Variants in ZNF229 observed in about 807,000 individuals in gnomAD.
ZNF229 encodes the protein zinc finger protein 229.
In ZNF229, 10 loss-of-function variants were observed where a neutral mutation model predicts 11.8. The observed-to-expected ratio is 0.85, with a 90% CI of 0.52 to 1.44. The LOEUF (loss-of-function observed/expected upper bound fraction) is 1.44. ZNF229 is among the 40% of genes most tolerant of loss of function. The pLI, the probability that ZNF229 is intolerant of heterozygous loss-of-function variation, is 0.00. For synonymous variants in ZNF229, 368 were observed against 374.8 expected (o/e 0.98, Z 0.21); for missense variants, 1,045 against 1,015.1 (o/e 1.03, Z -0.40).
intron 4 of ZNF229, among the ~76,000 whole-genome samples, chr19:44,438,087 A>T (rs1341814292): frequency 6.6e-6 from 1 of 152,206 alleles, no homozygotes; most frequent in African/African-American, 2.4e-5. Flanking sequence ...TCACCTATAT[A>T]ACAAACCTGC....
At position 44,428,874 on chromosome 19, in the gene ZNF229, C is replaced by A; in HGVS notation, c.1907G>T (p.Gly636Val). 6.2e-7 allele frequency: 1 copy of A among 1,613,598 alleles called. No individual in the cohort carries two copies. The highest frequency in any genetic ancestry group is 2.2e-5 in the East Asian group (1 of 44,806). ...GAGAAGCCCTGAGCTGTAACTGAAG[C>A]CTTTGCCACACTCAGCACATTTATA... ...KPYKCAECGK[G>V]FSYSSGLLIH... Residue 636 changes from glycine (G) to valine (V), a missense_variant, in exon 6 of 6, where the codon GGC (glycine) becomes GTC (valine). Gly to Val is a moderately radical substitution (Grantham distance 109). Coordinates refer to ENST00000614049, the MANE Select transcript of ZNF229 (RefSeq NM_014518.4).
chr19:44,442,984 T>A lies in ZNF229; in HGVS notation c.-137A>T. 9.6e-7 allele frequency: 1 copy of A among 1,040,024 alleles called. No individual in the cohort carries two copies. The highest frequency in any genetic ancestry group is 1.5e-6 in the Non-Finnish European group (1 of 685,500). The allele number at this position is 1,040,024 out of a possible 1,614,324, so 64.4% of individuals were successfully genotyped here. A position where few individuals can be genotyped will look rare whatever the true frequency, so the allele number is the denominator to read the frequency against. On this transcript the variant is annotated 5_prime_UTR_variant, in exon 3 of 6. In the 5' UTR this introduces an upstream ATG that the reference lacks. Transcript: ENST00000614049. The stretch of plus-strand genomic sequence containing the variant: ...GCTCTGACAAGTTCCTGTCTCCACC[T>A]TTACTGTCCAGAGCGCGACTGCTTC...
intron 4 of ZNF229, among the ~76,000 whole-genome samples, chr19:44,437,137 A>AT (rs1324463715): frequency 6.6e-6 from 1 of 152,082 alleles, no homozygotes; most frequent in African/African-American, 2.4e-5. Context: ...GGGATAAAAC[A>AT]TTTTTTCAGA....
chr19:44,428,743 C>G lies in ZNF229; in HGVS notation c.2038G>C (p.Gly680Arg). Reference protein sequence around the residue: ...SLHKHQRVHTGKKPYTCDQCG... With the variant: ...SLHKHQRVHTRKKPYTCDQCG... ...TGATCACACGTATAGGGCTTTTTTCCCGTGTGGACTCGCTGATGTTTGTGA... is the reference window on the plus strand; with the variant it reads ...TGATCACACGTATAGGGCTTTTTTCGCGTGTGGACTCGCTGATGTTTGTGA... Residue 680 changes from glycine (G) to arginine (R), a missense_variant, in exon 6 of 6, where the codon GGA becomes CGA. Gly to Arg is a moderately radical substitution (Grantham distance 125). Transcript: ENST00000614049. 6.2e-7 allele frequency: 1 copy of G among 1,613,888 alleles called. No individual in the cohort carries two copies. Among genetic ancestry groups the G allele is most frequent in the Admixed American group, 1.7e-5 (1 of 60,004 alleles).
chr19:44,442,652 A>G, intron 3 of ZNF229, 31 bp from the exon 4 acceptor site: 2 of 1,613,112 alleles, frequency 1.2e-6, no homozygotes, highest in Non-Finnish European at 1.7e-6. Context: ...CATGAGGAGG[A>G]GTTGGTGCTG....
At position 44,448,439 on chromosome 19, in the gene ZNF229, G is replaced by A. The variant is rs894276355; in HGVS notation, c.-396C>T. 4 of 152,230 alleles carry A rather than the reference G, an allele frequency of 2.6e-5. No homozygotes were observed. The highest frequency in any genetic ancestry group is 7.2e-5 in the African/African-American group (3 of 41,446). The allele number at this position is 152,230 out of a possible 1,614,324, so 9.4% of individuals were successfully genotyped here. A position where few individuals can be genotyped will look rare whatever the true frequency, so the allele number is the denominator to read the frequency against. On this transcript the variant is annotated 5_prime_UTR_variant, in exon 1 of 6. Coordinates refer to ENST00000614049, the MANE Select transcript of ZNF229 (RefSeq NM_014518.4). ...ACCGCATGGAGATGCACGTCTCTAA[G>A]ACGCCTCACCACTGCCTAAGAAGCA...
intron 2 of ZNF229, among the ~76,000 whole-genome samples, chr19:44,445,307 C>G (rs555766671): frequency 1.4e-5 from 2 of 145,028 alleles, no homozygotes; most frequent in African/African-American, 5.6e-5. Context: ...TACACAGCAG[C>G]TGGAGTGATC....
intron 2 of ZNF229, among the ~76,000 whole-genome samples, chr19:44,444,343 A>G (rs867218733): frequency 1.3e-5 from 2 of 151,296 alleles, no homozygotes; most frequent in Non-Finnish European, 2.9e-5. Flanking sequence ...CTGCTTCAGG[A>G]ACTCAAATCT....
intron 4 of ZNF229, among the ~76,000 whole-genome samples, chr19:44,438,880 T>A (rs992141488): frequency 6.6e-6 from 1 of 152,190 alleles, no homozygotes; most frequent in Non-Finnish European, 1.5e-5. Context: ...TTTTGTGATA[T>A]CCTTTATAAT....
At chr19:44,446,989 G>T (rs1048718761) in intron 2 of ZNF229, among the ~76,000 whole-genome samples, 2 of 152,186 alleles carry the variant, frequency 1.3e-5, no homozygotes, top group Non-Finnish European at 2.9e-5. Context: ...CCAGAAGGAA[G>T]CATAAGCGCA....
intron 4 of ZNF229, 39 bp from the exon 5 acceptor site, chr19:44,432,405 G>A: frequency 1.9e-6 from 3 of 1,604,792 alleles, no homozygotes; most frequent in Non-Finnish European, 1.7e-6. Flanking sequence ...TCTACTAGAT[G>A]AAGACAAACT....
At chr19:44,446,544 A>T (rs544175895) in intron 2 of ZNF229, among the ~76,000 whole-genome samples, 1 of 152,326 alleles carries the variant, frequency 6.6e-6, no homozygotes, top group African/African-American at 2.4e-5. Context: ...ATGTGAATAA[A>T]CTTCAAAGCC....
chr19:44,446,997 G>A (rs762281188), intron 2 of ZNF229, among the ~76,000 whole-genome samples: 7 of 152,120 alleles, frequency 4.6e-5, no homozygotes, highest in Non-Finnish European at 7.4e-5. Context: ...AAGCATAAGC[G>A]CAAAGACCTG....
rs767422074 is a variant in ZNF229, at chr19:44,428,951, G to A, written c.1830C>T (p.Ile610=). 1.2e-5 allele frequency: 20 copies of A among 1,610,680 alleles called. No homozygotes were observed. The highest frequency in any genetic ancestry group is 1.7e-5 in the Non-Finnish European group (20 of 1,178,936). The change falls in exon 6 of 6, where the codon ATC becomes ATT. Residue 610 remains isoleucine, a synonymous_variant. Transcript: ENST00000614049. ...YVCDVCGKGF[I]YSSDLLIHQR... is the part of the protein sequence containing the mutation. ...GATGGATAAGGAGGTCGGAGCTGTA[G>A]ATGAAACCCTTCCCACACACGTCAC...
rs1971674942 is a variant in ZNF229 at position 44,429,742 on chromosome 19, T to C, written c.1039A>G (p.Met347Val). Residue 347 changes from methionine (M) to valine (V), a missense_variant, in exon 6 of 6, where the codon ATG becomes GTG. Met to Val is a conservative substitution (Grantham distance 21). Coordinates refer to ENST00000614049, the MANE Select transcript of ZNF229 (RefSeq NM_014518.4). Reference sequence around the variant, plus strand: ...CCACAGACATCACATCTATAGGGCATGTCTCCCACAGGGGCTCTGGGGTGG... The same window carrying C: ...CCACAGACATCACATCTATAGGGCACGTCTCCCACAGGGGCTCTGGGGTGG... Reference protein sequence around the residue: ...RNHPRAPVGDMPYRCDVCGKG... With the variant: ...RNHPRAPVGDVPYRCDVCGKG... 2 of 1,614,126 alleles carry C rather than the reference T, an allele frequency of 1.2e-6. No individual in the cohort carries two copies. The highest frequency in any genetic ancestry group is 8.5e-7 in the Non-Finnish European group (1 of 1,180,022).
At chr19:44,438,822 T>C (rs1203186802) in intron 4 of ZNF229, among the ~76,000 whole-genome samples, 1 of 152,208 alleles carries the variant, frequency 6.6e-6, no homozygotes, top group Non-Finnish European at 1.5e-5. Context: ...GGAAGCTCCA[T>C]GCCCCTTACC....
In ZNF229 at chr19:44,429,187, G is replaced by T. The variant is rs1055730237; in HGVS notation, c.1594C>A (p.Leu532Ile). The change falls in exon 6 of 6, where the codon CTT becomes ATT. Residue 532 changes from leucine to isoleucine, a missense_variant. By Grantham distance (5) the Leu-to-Ile change is conservative. Transcript: ENST00000614049. ...GTGTGCAGTCTCTGATGCATGAGAA[G>T]CCCTGAGCTGTAACTGAAACTCTTA... ...CGKSFSYSSG[L>I]LMHQRLHTGE... 1.1e-5 allele frequency: 18 copies of T among 1,613,990 alleles called. 1 individual carries two copies. In the African/African-American group the frequency reaches 2.4e-4, roughly 22 times the overall value.
At chr19:44,437,282 T>C (rs1971831741) in intron 4 of ZNF229, among the ~76,000 whole-genome samples, 1 of 152,166 alleles carries the variant, frequency 6.6e-6, no homozygotes, top group Non-Finnish European at 1.5e-5. Context: ...TAATAAATCA[T>C]TTAACTATAT....
At position 44,429,702 on chromosome 19, in the gene ZNF229, T is replaced by C. The variant is rs1017175611; in HGVS notation, c.1079A>G (p.Tyr360Cys). The C allele has an allele frequency of 1.2e-6, 2 of 1,614,064 alleles. No homozygotes were observed. The highest frequency in any genetic ancestry group is 2.7e-5 in the African/African-American group (2 of 74,882). Residue 360 changes from tyrosine (Y) to cysteine (C), a missense_variant, in exon 6 of 6, where the codon TAT (tyrosine) becomes TGT (cysteine). Tyr to Cys is a radical substitution (Grantham distance 194, BLOSUM62 -2). Coordinates refer to ENST00000614049, the MANE Select transcript of ZNF229 (RefSeq NM_014518.4). Reference protein sequence around the residue: ...RCDVCGKGFRYKSVLLIHQGV... With the variant: ...RCDVCGKGFRCKSVLLIHQGV... ...TTGATGAATAAGAAGAACCGATTTA[T>C]ACCTGAACCCCTTTCCACAGACATC... is the stretch of plus-strand genomic sequence containing the variant.
Sources: allele counts gnomAD v4.1 joint callset (sites outside exome capture counted in the v4.1 genomes callset), GRCh38; gene constraint gnomAD v4.1.1; transcripts MANE v1.5; gene names NCBI Gene and HGNC (gene_info 2026-07-23, HGNC 2026-07-21).